Variants in OOSP3 observed in about 807,000 individuals in gnomAD.
OOSP3 encodes oocyte-secreted protein 3.
At chr11:59,890,353 T>C (rs922114923) in intron 2 of OOSP3, among the ~76,000 whole-genome samples, 5 of 152,214 alleles carry the variant, frequency 3.3e-5, no homozygotes, top group Non-Finnish European at 7.4e-5. Context: ...GACTTGTTAA[T>C]GTAGTTGCTT....
rs150810668 is a variant in OOSP3 at position 59,894,242 on chromosome 11, G to A, written c.350+66G>A. ...AGAACTAATGAAAAGGAAAACATTT[G>A]GAATATGAAGCTTTACATCATTAGA... On this transcript the variant is annotated intron_variant, in intron 3 of 4. Transcript: ENST00000646438. The A allele has an allele frequency of 1.3e-3, 502 of 397,646 alleles. 7 individuals are homozygous for A. The East Asian group carries it at 0.018, about 14-fold the overall frequency. The allele number at this position is 397,646 out of a possible 1,614,324, so 24.6% of individuals were successfully genotyped here. A position where few individuals can be genotyped will look rare whatever the true frequency, so the allele number is the denominator to read the frequency against.
intron 2 of OOSP3, among the ~76,000 whole-genome samples, chr11:59,884,802 C>T (rs111723347): frequency 6.6e-6 from 1 of 152,156 alleles, no homozygotes; most frequent in African/African-American, 2.4e-5. Context: ...CTGTGCCAGG[C>T]CTCATGTCAT....
chr11:59,883,189 C>A (rs1299951995), intron 2 of OOSP3, among the ~76,000 whole-genome samples: 1 of 152,132 alleles, frequency 6.6e-6, no homozygotes, highest in East Asian at 1.9e-4. Flanking sequence ...GTCTAGCAAT[C>A]AAAGTTAATA....
At chr11:59,891,401 T>C (rs1262488140) in intron 2 of OOSP3, among the ~76,000 whole-genome samples, 1 of 152,248 alleles carries the variant, frequency 6.6e-6, no homozygotes, top group Non-Finnish European at 1.5e-5. Context: ...TTTTTCCTCA[T>C]CTTCTTGGAT....
intron 2 of OOSP3, among the ~76,000 whole-genome samples, chr11:59,886,755 T>C (rs989909401): frequency 3.3e-5 from 5 of 152,106 alleles, no homozygotes; most frequent in African/African-American, 9.7e-5. Flanking sequence ...CATGTATGTC[T>C]TATTTTGAGA....
rs183685772 is a variant in OOSP3, at chr11:59,879,418, T to C, written c.73+537T>C. Among the ~76,000 whole-genome samples the C allele has an allele frequency of 8.5e-5, 13 of 152,296 alleles. No homozygotes were observed. In the East Asian group the frequency reaches 2.3e-3, roughly 27 times the overall value. On this transcript the variant is annotated intron_variant, in intron 1 of 4. Coordinates refer to ENST00000646438, the Ensembl canonical transcript of OOSP3. ...TTACTTTTTCCATATTTTACAGTAA[T>C]CTTTTCTCATCTAAACTATATATTT...
chr11:59,882,834 C>T (rs1853216886), intron 2 of OOSP3, among the ~76,000 whole-genome samples: 1 of 152,164 alleles, frequency 6.6e-6, no homozygotes, highest in African/African-American at 2.4e-5. Context: ...AGTCTAATTT[C>T]TCTTTCTATA....
chr11:59,894,678 A>T (rs1392095721), intron 3 of OOSP3, among the ~76,000 whole-genome samples: 1 of 152,110 alleles, frequency 6.6e-6, no homozygotes, highest in South Asian at 2.1e-4. Context: ...TCTATAATAA[A>T]TCACCTGCAC....
intron 1 of OOSP3, 87 bp downstream of exon 1, chr11:59,878,968 G>A (rs1270596702): frequency 2.5e-6 from 1 of 397,764 alleles, no homozygotes; most frequent in African/African-American, 2.1e-5. Context: ...TTGAGTGGAA[G>A]TGACTTTCCA....
At chr11:59,895,746 A>G in intron 4 of OOSP3, 94 bp downstream of exon 4, 1 of 397,340 alleles carries the variant, frequency 2.5e-6, no homozygotes, top group Non-Finnish European at 4.4e-6. Flanking sequence ...TCTACTAAGG[A>G]GGGTATTTGT....
intron 2 of OOSP3, 103 bp downstream of exon 2, chr11:59,880,542 T>A: frequency 2.5e-6 from 1 of 396,932 alleles, no homozygotes; most frequent in Non-Finnish European, 4.4e-6. Flanking sequence ...GGCTCTTGAA[T>A]TACTTTAATT....
At chr11:59,881,001 TG>T (rs1483558857) in intron 2 of OOSP3, among the ~76,000 whole-genome samples, 1 of 152,178 alleles carries the variant, frequency 6.6e-6, no homozygotes, top group Non-Finnish European at 1.5e-5. Context: ...TGTCCATGAA[TG>T]AGATTGGTCT....
chr11:59,883,072 T>A (rs1853218917), intron 2 of OOSP3, among the ~76,000 whole-genome samples: 1 of 152,194 alleles, frequency 6.6e-6, no homozygotes, highest in Non-Finnish European at 1.5e-5. Context: ...TACCTAGGAC[T>A]GAAATTTCTA....
intron 2 of OOSP3, among the ~76,000 whole-genome samples, chr11:59,880,881 G>A (rs1853194016): frequency 6.6e-6 from 1 of 152,192 alleles, no homozygotes; most frequent in Non-Finnish European, 1.5e-5. Context: ...TGAAAAAATG[G>A]ATGATACCAG....
At chr11:59,893,816 G>T (rs1173220161) in intron 2 of OOSP3, among the ~76,000 whole-genome samples, 1 of 152,216 alleles carries the variant, frequency 6.6e-6, no homozygotes, top group African/African-American at 2.4e-5. Context: ...TGTAGCCCTT[G>T]TTCCTAGTCT....
At chr11:59,889,149 T>C in intron 2 of OOSP3, among the ~76,000 whole-genome samples, 1 of 152,114 alleles carries the variant, frequency 6.6e-6, no homozygotes, top group East Asian at 1.9e-4. Context: ...ATCCCCCTTA[T>C]CATTTCTGAA....
At chr11:59,887,155 T>C (rs1853270819) in intron 2 of OOSP3, among the ~76,000 whole-genome samples, 1 of 151,818 alleles carries the variant, frequency 6.6e-6, no homozygotes, top group African/African-American at 2.4e-5. Context: ...CTTAAGTTCC[T>C]TGTAGATTCT....
intron 2 of OOSP3, among the ~76,000 whole-genome samples, chr11:59,884,445 CTGTT>C (rs200299432): frequency 0.017 from 2,365 of 142,828 alleles, 22 homozygotes; most frequent in Middle Eastern, 0.029. Context: ...AAGATCATGT[CTGTT>C]TGTCTGTCTG....
At chr11:59,893,296 A>T (rs1276267707) in intron 2 of OOSP3, among the ~76,000 whole-genome samples, 2 of 152,222 alleles carry the variant, frequency 1.3e-5, no homozygotes, top group Admixed American at 1.3e-4. Flanking sequence ...AAACATACCT[A>T]AATGTAATTA....
Sources: allele counts gnomAD v4.1 joint callset (sites outside exome capture counted in the v4.1 genomes callset), GRCh38; gene constraint gnomAD v4.1.1; transcripts MANE v1.5; gene names NCBI Gene and HGNC (gene_info 2026-07-23, HGNC 2026-07-21).